Variants in JAK1 observed in about 807,000 individuals in gnomAD.
The protein encoded by JAK1 is Janus kinase 1, also known as tyrosine-protein kinase JAK1.
A neutral mutation model predicts 136.6 loss-of-function variants in JAK1; 16 were observed. The observed-to-expected ratio is 0.12, with a 90% CI of 0.08 to 0.18. The LOEUF is 0.18. Ranked by LOEUF, JAK1 falls within the 10% of genes least tolerant of loss-of-function variation. JAK1 has a pLI of 1.00. For synonymous variants in JAK1, 492 were observed against 519.5 expected (o/e 0.95, Z 0.72); for missense variants, 859 against 1,450.1 (o/e 0.59, Z 6.62).
rs368823178 is a variant in JAK1 at position 64,860,149 on chromosome 1, C to G, written c.1290G>C (p.Pro430=). 3.1e-6 allele frequency: 5 copies of G among 1,600,180 alleles called. No homozygotes were observed. The highest frequency in any genetic ancestry group is 2.2e-5 in the East Asian group (1 of 44,522). ...HHYLCTDVAP[P]LIVHNIQNGC... ...CATTCTGTATGTTGTGGACGATCAA[C>G]GGGGGGGCCACGTCGGTGCAGAGGT... Residue 430 remains proline, a synonymous_variant, in exon 9 of 25, where the codon CCG becomes CCC. Transcript: ENST00000342505.
chr1:64,919,137 A>G (rs528391090), intron 1 of JAK1, among the ~76,000 whole-genome samples: 1 of 152,212 alleles, frequency 6.6e-6, no homozygotes, highest in South Asian at 2.1e-4. Context: ...ATTTACATTA[A>G]GTATATCTCC....
chr1:64,858,282 C>A (rs1417498209), intron 9 of JAK1, among the ~76,000 whole-genome samples: 1 of 152,268 alleles, frequency 6.6e-6, no homozygotes, highest in African/African-American at 2.4e-5. Context: ...TTCTTTGTAT[C>A]CCCAGGACCA....
At chr1:65,025,109 A>C (rs1170134943) in intron 2 of JAK1, among the ~76,000 whole-genome samples, 1 of 152,214 alleles carries the variant, frequency 6.6e-6, no homozygotes, top group African/African-American at 2.4e-5. Context: ...CTCCAGCCAC[A>C]CGTTCTTCCA....
chr1:64,907,421 G>C (rs1019185393), intron 1 of JAK1, among the ~76,000 whole-genome samples: 2 of 152,086 alleles, frequency 1.3e-5, no homozygotes, highest in African/African-American at 4.8e-5. Flanking sequence ...TGCTGGACCC[G>C]TTAAAGGCTC....
At chr1:64,965,199 C>T (rs1054232317) in intron 1 of JAK1, among the ~76,000 whole-genome samples, 1 of 152,194 alleles carries the variant, frequency 6.6e-6, no homozygotes, top group Non-Finnish European at 1.5e-5. Flanking sequence ...CCATGTTTTA[C>T]TCCCTGAAAG....
At chr1:65,032,660 G>C (rs1647034134) in intron 2 of JAK1, among the ~76,000 whole-genome samples, 1 of 152,176 alleles carries the variant, frequency 6.6e-6, no homozygotes, top group Non-Finnish European at 1.5e-5. Flanking sequence ...ATTGTTTAGG[G>C]AGAAATCAGT....
chr1:64,849,237 G>A (rs3790538), intron 12 of JAK1, among the ~76,000 whole-genome samples: 33,724 of 151,904 alleles, frequency 0.22, 4,524 homozygotes, highest in African/African-American at 0.37. Flanking sequence ...AACACCTGGC[G>A]GGAGTGCAGC....
chr1:64,866,840 T>C (rs766759757), intron 7 of JAK1, 26 bp downstream of exon 7: 1 of 1,543,052 alleles, frequency 6.5e-7, no homozygotes, highest in Non-Finnish European at 8.9e-7. Context: ...AATGTTCTCT[T>C]TGATCGACTG....
intron 1 of JAK1, among the ~76,000 whole-genome samples, chr1:64,891,365 T>C (rs1439252673): frequency 6.6e-6 from 1 of 152,170 alleles, no homozygotes; most frequent in Non-Finnish European, 1.5e-5. Flanking sequence ...TCTGGTTTTT[T>C]AGTACTTTTC....
intron 2 of JAK1, among the ~76,000 whole-genome samples, chr1:64,999,616 T>C (rs1235253597): frequency 6.6e-6 from 1 of 151,940 alleles, no homozygotes; most frequent in Non-Finnish European, 1.5e-5. Flanking sequence ...ATGCCTGTGG[T>C]CCCAGCTTCT....
chr1:65,054,389 CT>C (rs1340792519), intron 1 of JAK1, among the ~76,000 whole-genome samples: 1 of 151,970 alleles, frequency 6.6e-6, no homozygotes, highest in East Asian at 1.9e-4. Flanking sequence ...TTAAATGCTG[CT>C]TTAGTCTCTT....
upstream of JAK1, among the ~76,000 whole-genome samples, chr1:64,970,278 A>G (rs1646439520): frequency 6.6e-6 from 1 of 151,650 alleles, no homozygotes; most frequent in African/African-American, 2.4e-5. Flanking sequence ...CGTCTCTACT[A>G]AAAATACAAA....
At chr1:65,063,065 G>A (rs372938308) in intron 1 of JAK1, among the ~76,000 whole-genome samples, 15 of 152,290 alleles carry the variant, frequency 9.8e-5, no homozygotes, top group African/African-American at 2.4e-4. Context: ...CTCTATTCAC[G>A]TTAGCATTGT....
rs558827133 is a variant in JAK1, at chr1:65,037,160, TGG to T, written c.-78+7318_-78+7319del. 1.4e-4 allele frequency among the ~76,000 whole-genome samples: 22 copies of T among 152,256 alleles called. No homozygotes were observed. In the South Asian group the frequency reaches 4.6e-3, roughly 32 times the overall value. On this transcript the variant is annotated intron_variant, in intron 2 of 25. Coordinates refer to the JAK1 transcript ENST00000671954. ...GTAATTATGCCACTGCACTCCAGCC[TGG>T]GTGACAGAGCAAGCAAGACCTCATC...
At chr1:65,064,242 A>G (rs1352431999) in intron 1 of JAK1, among the ~76,000 whole-genome samples, 1 of 152,254 alleles carries the variant, frequency 6.6e-6, no homozygotes, top group Non-Finnish European at 1.5e-5. Flanking sequence ...AAAATTAAAT[A>G]AAATTTAAAA....
chr1:64,844,645 C>CA lies in JAK1; in HGVS notation c.2251+108dup, dbSNP rs999522934. 6,779 of 1,122,592 alleles carry CA rather than the reference C, an allele frequency of 6.0e-3. No individual in the cohort carries two copies. The highest frequency in any genetic ancestry group is 7.0e-3 in the Non-Finnish European group (5,619 of 802,382). 69.5% of individuals were successfully genotyped at this position (1,122,592 alleles called of 1,614,324 possible). ...GTGAAACCCCGTCTCTACTAAAATA[C>CA]AAAAAAAAAATGACTCTCTAAAAGG... On this transcript the variant is annotated intron_variant, in intron 16 of 24. Transcript: ENST00000342505. The surrounding 1 kb of genome is among the most constrained non-coding windows in gnomAD (Gnocchi z 5.7).
intron 1 of JAK1, among the ~76,000 whole-genome samples, chr1:64,910,022 C>A (rs1349203482): frequency 1.3e-5 from 2 of 152,168 alleles, no homozygotes; most frequent in Non-Finnish European, 2.9e-5. Flanking sequence ...TATTGACTCT[C>A]AGGCAGTATA....
chr1:64,956,524 A>T (rs1288289585), intron 1 of JAK1, among the ~76,000 whole-genome samples: 2 of 152,232 alleles, frequency 1.3e-5, no homozygotes, highest in Non-Finnish European at 2.9e-5. Context: ...CCCTTCTCCC[A>T]ACCCCCCAAC....
At chr1:65,024,049 C>T (rs1422482397) in intron 2 of JAK1, among the ~76,000 whole-genome samples, 1 of 151,356 alleles carries the variant, frequency 6.6e-6, no homozygotes, top group African/African-American at 2.4e-5. Flanking sequence ...CCATTTTTGG[C>T]TGTTATGAAT....
Sources: gnomAD v4.1 joint callset for allele counts (sites outside exome capture counted in the v4.1 genomes callset) on GRCh38, gnomAD v4.1.1 for gene constraint, Gnocchi (gnomAD v3.1) non-coding constraint, MANE v1.5 for transcripts, NCBI Gene and HGNC (gene_info 2026-07-23, HGNC 2026-07-21) for gene names.